JMY: variants seen among roughly 807,000 people sequenced by gnomAD.
The protein encoded by JMY is junction-mediating and -regulatory protein.
In JMY, 46 loss-of-function variants were observed where a neutral mutation model predicts 103.3. The observed-to-expected ratio is 0.45, with a 90% CI of 0.35 to 0.57. JMY has a LOEUF of 0.57. Among genes scored for constraint, JMY ranks in the 20% least tolerant of loss-of-function variants. JMY has a pLI of 0.00. For missense variants in JMY, 1,238 were observed against 1,255.2 expected, an observed-to-expected ratio of 0.99 and a Z score of 0.21; for synonymous variants, 526 against 489.3, an observed-to-expected ratio of 1.07 and a Z score of -0.99.
chr5:79,262,706 TAGC>T (rs1291053422), intron 1 of JMY, among the ~76,000 whole-genome samples: 3 of 152,212 alleles, frequency 2.0e-5, no homozygotes. Flanking sequence ...ATTAATAAAT[TAGC>T]AGTGTTAGGT....
intron 1 of JMY, among the ~76,000 whole-genome samples, chr5:79,245,030 T>A (rs1270303787): frequency 6.6e-6 from 1 of 152,180 alleles, no homozygotes; most frequent in African/African-American, 2.4e-5. Context: ...TCCTTTATGT[T>A]TGTCCTTGAA....
chr5:79,319,831 CT>C (rs1010090109), intron 10 of JMY, among the ~76,000 whole-genome samples: 34 of 152,182 alleles, frequency 2.2e-4, no homozygotes, highest in Admixed American at 2.6e-4. Context: ...CCACCTGCTT[CT>C]GCCTCCCTAA....
At chr5:79,257,648 A>G (rs1321348989) in intron 1 of JMY, among the ~76,000 whole-genome samples, 12 of 152,176 alleles carry the variant, frequency 7.9e-5, no homozygotes, top group Admixed American at 7.9e-4. Flanking sequence ...TTCAGAAATC[A>G]AAGAGGCTTT....
chr5:79,256,258 A>G (rs1745239417), intron 1 of JMY, among the ~76,000 whole-genome samples: 1 of 152,196 alleles, frequency 6.6e-6, no homozygotes. Context: ...CTTCAGGCCC[A>G]AGGGCTCTTA....
chr5:79,238,648 C>A (rs375536441), intron 1 of JMY, among the ~76,000 whole-genome samples: 2 of 120,688 alleles, frequency 1.7e-5, no homozygotes, highest in South Asian at 5.7e-4. Context: ...TCCGCGCCTT[C>A]TTTTTTTTTT....
At chr5:79,239,822 GAAAAGA>G (rs199846821) in intron 1 of JMY, among the ~76,000 whole-genome samples, 3,845 of 145,970 alleles carry the variant, frequency 0.026, 185 homozygotes, top group East Asian at 0.25. Flanking sequence ...AAAAAAAAAA[GAAAAGA>G]AAAAGAAAAA....
chr5:79,274,363 T>C (rs1745873818), intron 1 of JMY, among the ~76,000 whole-genome samples: 1 of 152,136 alleles, frequency 6.6e-6, no homozygotes, highest in Non-Finnish European at 1.5e-5. Flanking sequence ...ATCTTATGAT[T>C]GGTCTTCATT....
At chr5:79,241,224 T>A (rs910324472) in intron 1 of JMY, among the ~76,000 whole-genome samples, 2 of 152,296 alleles carry the variant, frequency 1.3e-5, no homozygotes, top group African/African-American at 4.8e-5. Flanking sequence ...CTTTTCAAGG[T>A]CCTTGGCTTT....
intron 1 of JMY, among the ~76,000 whole-genome samples, chr5:79,258,864 G>T (rs894011117): frequency 6.6e-6 from 1 of 152,188 alleles, no homozygotes; most frequent in East Asian, 1.9e-4. Context: ...TGGGCAAGGG[G>T]TGTTTCAGCC....
intron 1 of JMY, among the ~76,000 whole-genome samples, chr5:79,252,691 ACC>A (rs1028876100): frequency 1.3e-5 from 2 of 151,934 alleles, no homozygotes; most frequent in African/African-American, 4.8e-5. Flanking sequence ...TGCTAAATTG[ACC>A]CCTTTATCAC....
chr5:79,292,461 C>G (rs79417684), intron 4 of JMY, among the ~76,000 whole-genome samples: 5,107 of 151,932 alleles, frequency 0.034, 111 homozygotes, highest in South Asian at 0.062. Flanking sequence ...ACGCACCCCC[C>G]CCAACACCTT....
At position 79,306,493 on chromosome 5, in the gene JMY, C is replaced by T. The variant is rs778080647; in HGVS notation, c.1968+32C>T. 17 of 1,491,958 alleles carry T rather than the reference C, an allele frequency of 1.1e-5. No homozygotes were observed. In the African/African-American group the frequency reaches 2.1e-4, roughly 18 times the overall value. The allele number at this position is 1,491,958 out of a possible 1,614,324, so 92.4% of individuals were successfully genotyped here. Reference sequence around the variant, plus strand: ...TTGGATTCGAAGATTTTGAACAAAACTTAATTTTTTTGCATGTTTTAGAGT... The same window carrying T: ...TTGGATTCGAAGATTTTGAACAAAATTTAATTTTTTTGCATGTTTTAGAGT... On this transcript the variant is annotated intron_variant, in intron 7 of 10. Transcript: ENST00000396137.
intron 1 of JMY, among the ~76,000 whole-genome samples, chr5:79,259,933 A>T (rs1561293306): frequency 6.6e-6 from 1 of 152,158 alleles, no homozygotes. Context: ...CCTGGCTCCC[A>T]CTGGCTCCAT....
intron 1 of JMY, among the ~76,000 whole-genome samples, chr5:79,250,801 C>T (rs1440179649): frequency 6.6e-6 from 1 of 151,480 alleles, no homozygotes; most frequent in Admixed American, 6.6e-5. Flanking sequence ...TTAGTATTTT[C>T]ATACTTACTC....
chr5:79,238,645 C>CTT (rs1234661480), intron 1 of JMY, among the ~76,000 whole-genome samples: 3 of 109,624 alleles, frequency 2.7e-5, no homozygotes, highest in African/African-American at 8.7e-5. Context: ...CCCTCCGCGC[C>CTT]TTCTTTTTTT....
intron 3 of JMY, 48 bp downstream of exon 3, chr5:79,290,319 G>A: frequency 2.3e-6 from 3 of 1,298,536 alleles, no homozygotes; most frequent in Middle Eastern, 2.0e-4. Flanking sequence ...GAAAATGAGT[G>A]GTTAAGTATT....
In JMY at chr5:79,277,904, C is replaced by A; in HGVS notation, c.1033-6C>A. On this transcript the variant is annotated splice_region_variant and splice_polypyrimidine_tract_variant and intron_variant, in intron 1 of 10. Coordinates refer to ENST00000396137, the MANE Select transcript of JMY (RefSeq NM_152405.5). ...TTCTTAGTTGTGAAACTGTCTTGTT[C>A]CACAGCTCTTGGATAAGCACAAGAA... 1 of 1,603,280 alleles carries A rather than the reference C, an allele frequency of 6.2e-7. No homozygotes were observed. Among genetic ancestry groups the A allele is most frequent in the South Asian group, 1.1e-5 (1 of 89,902 alleles).
rs987232820 is a variant in JMY at position 79,250,654 on chromosome 5, T to C, written c.1032+12972T>C. 9.4e-5 allele frequency among the ~76,000 whole-genome samples: 13 copies of C among 138,752 alleles called. No individual in the cohort carries two copies. The South Asian group carries it at 1.7e-3, about 18-fold the overall frequency. The allele number at this position is 138,752 out of a possible 152,430, so 91.0% of individuals were successfully genotyped here. ...TTTTAATTTTTAATTATTTTTCTTT[T>C]TTTTTTTTTTTTTTGGCATATGAAG... On this transcript the variant is annotated intron_variant, in intron 1 of 10. Coordinates refer to ENST00000396137, the MANE Select transcript of JMY (RefSeq NM_152405.5).
At chr5:79,258,381 G>GT (rs1299404191) in intron 1 of JMY, among the ~76,000 whole-genome samples, 1 of 147,782 alleles carries the variant, frequency 6.8e-6, no homozygotes, top group African/African-American at 2.5e-5. Flanking sequence ...GATCCTTGGG[G>GT]TGTCGCCTCA....
Sources: allele counts gnomAD v4.1 joint callset (sites outside exome capture counted in the v4.1 genomes callset), GRCh38; gene constraint gnomAD v4.1.1; transcripts MANE v1.5; gene names NCBI Gene and HGNC (gene_info 2026-07-23, HGNC 2026-07-21).